The following PSMD6 variants were observed in gnomAD, a reference collection of about 807,000 sequenced individuals.
PSMD6 encodes the protein proteasome 26S subunit, non-ATPase 6.
Under a neutral mutation model 44.9 loss-of-function variants are expected in PSMD6, and 7 were observed. The observed-to-expected ratio is 0.16, with a 90% CI of 0.09 to 0.29. The LOEUF is 0.29. Among genes scored for constraint, PSMD6 ranks in the 10% least tolerant of loss-of-function variants. PSMD6 has a pLI of 1.00. For synonymous variants in PSMD6, 184 were observed against 172.7 expected, an observed-to-expected ratio of 1.07 and a Z score of -0.51; for missense variants, 420 against 482.6, an observed-to-expected ratio of 0.87 and a Z score of 1.21.
In PSMD6 at chr3:64,022,255, C is replaced by T. The variant is rs1435619522; in HGVS notation, c.351+63G>A. ...TAATTTTTTTAATGAGAAACGATTA[C>T]CTGGAATAGTCTCCAATTTTAGCCT... is the stretch of plus-strand genomic sequence containing the variant. On this transcript the variant is annotated intron_variant, in intron 2 of 7. Transcript: ENST00000295901. 1.5e-5 allele frequency: 23 copies of T among 1,548,934 alleles called. No individual in the cohort carries two copies. In the South Asian group the frequency reaches 2.0e-4, roughly 14 times the overall value.
chr3:64,012,691 A>G (rs2075978806), intron 6 of PSMD6: 4 of 152,224 alleles, frequency 2.6e-5, no homozygotes, highest in Admixed American at 2.0e-4. Flanking sequence ...ACAACATCCA[A>G]GCTTATTCCT....
intron 5 of PSMD6, 184 bp from the exon 6 acceptor site, chr3:64,013,791 T>A (rs1460354960): frequency 2.2e-6 from 1 of 459,294 alleles, no homozygotes; most frequent in Non-Finnish European, 3.7e-6. Context: ...GGGCCAGGTA[T>A]GCAAACATCG....
intron 6 of PSMD6, chr3:64,011,470 G>A (rs2075949142): frequency 6.6e-6 from 1 of 152,080 alleles, no homozygotes; most frequent in Non-Finnish European, 1.5e-5. Context: ...TTTTAAAAAA[G>A]GGGATTTCAT....
At chr3:64,018,740 A>AG in intron 4 of PSMD6, 33 bp from the exon 5 acceptor site, 1 of 1,521,920 alleles carries the variant, frequency 6.6e-7, no homozygotes, top group Non-Finnish European at 9.0e-7. Flanking sequence ...ATACAAAAAA[A>AG]ATGTACATTT....
At chr3:64,019,645 A>T in intron 2 of PSMD6, 1 of 476,004 alleles carries the variant, frequency 2.1e-6, no homozygotes, top group Non-Finnish European at 3.6e-6. Flanking sequence ...TATAAAGTTT[A>T]AAAAATACAT....
At chr3:64,022,225 G>C in intron 2 of PSMD6, 93 bp downstream of exon 2, 1 of 1,376,392 alleles carries the variant, frequency 7.3e-7, no homozygotes, top group Non-Finnish European at 1.0e-6. Flanking sequence ...TTTCTAAAAC[G>C]AAGTTAATTT....
upstream of PSMD6, chr3:64,023,901 A>C: frequency 1.5e-6 from 2 of 1,353,682 alleles, no homozygotes; most frequent in Non-Finnish European, 2.0e-6. Flanking sequence ...AAGACAAATG[A>C]GGCACAAAGA....
intron 6 of PSMD6, 120 bp from the exon 7 acceptor site, chr3:64,011,075 T>C (rs1279553489): frequency 1.3e-6 from 1 of 776,326 alleles, no homozygotes; most frequent in African/African-American, 1.7e-5. Flanking sequence ...TCAAGCTTGT[T>C]ATTGCACATG....
intron 2 of PSMD6, among the ~76,000 whole-genome samples, chr3:64,020,830 TCTGATTCAAGAGCTC>T (rs1285674380): frequency 6.6e-6 from 1 of 152,144 alleles, no homozygotes; most frequent in African/African-American, 2.4e-5. Flanking sequence ...ACCCAGACAA[TCTGATTCAAGAGCTC>T]ATGTTATTTT....
At chr3:64,023,088 G>C in intron 1 of PSMD6, 187 bp downstream of exon 1, 1 of 1,426,408 alleles carries the variant, frequency 7.0e-7, no homozygotes, top group Non-Finnish European at 9.1e-7. Context: ...ACCCCGCTGA[G>C]GCAAGTCGAG....
chr3:64,023,530 GGTCC>G, upstream of PSMD6: 1 of 1,412,480 alleles, frequency 7.1e-7, no homozygotes, highest in Non-Finnish European at 9.3e-7. Flanking sequence ...CCCGGCTTCC[GGTCC>G]CGTCTCCGCC....
upstream of PSMD6, chr3:64,023,725 A>G (rs942292449): frequency 1.3e-6 from 2 of 1,488,462 alleles, no homozygotes; most frequent in East Asian, 2.5e-5. Flanking sequence ...TAGCTATTTT[A>G]CTTTCCGTTT....
At chr3:64,022,192 C>G in intron 2 of PSMD6, 126 bp downstream of exon 2, 1 of 1,059,654 alleles carries the variant, frequency 9.4e-7, no homozygotes, top group Non-Finnish European at 1.4e-6. Context: ...CCAGTACAAG[C>G]AAGCATGATT....
At position 64,010,587 on chromosome 3, in the gene PSMD6, T is replaced by C. The variant is rs1056495671; in HGVS notation, c.*81A>G. The C allele has an allele frequency of 5.9e-6, 6 of 1,020,988 alleles. No homozygotes were observed. The highest frequency in any genetic ancestry group is 5.3e-5 in the Admixed American group (2 of 37,560). 63.2% of individuals were successfully genotyped at this position (1,020,988 alleles called of 1,614,324 possible). A position where few individuals can be genotyped will look rare whatever the true frequency, so the allele number is the denominator to read the frequency against. Reference sequence around the variant, plus strand: ...CAATGCAGTATTTATTTTATACAGCTGACCTGGGCACATTGTGAAGTAAGC... The same window carrying C: ...CAATGCAGTATTTATTTTATACAGCCGACCTGGGCACATTGTGAAGTAAGC... On this transcript the variant is annotated 3_prime_UTR_variant, in exon 8 of 8. Coordinates refer to ENST00000295901, the MANE Select transcript of PSMD6 (RefSeq NM_014814.3).
chr3:64,015,625 G>A (rs973371525), intron 5 of PSMD6: 1 of 152,086 alleles, frequency 6.6e-6, no homozygotes, highest in South Asian at 2.1e-4. Flanking sequence ...CACGTTACTT[G>A]TGAAGAGAAA....
At chr3:64,017,658 T>C (rs1291217839) in intron 5 of PSMD6, 2 of 152,212 alleles carry the variant, frequency 1.3e-5, no homozygotes, top group African/African-American at 2.4e-5. Context: ...CTACATTACC[T>C]GAGGTAAATA....
Position 64,019,344 on chromosome 3 carries a change from A to G in PSMD6, c.449T>C (p.Phe150Ser). 6.3e-7 allele frequency: 1 copy of G among 1,597,968 alleles called. No homozygotes were observed. The highest frequency in any genetic ancestry group is 8.6e-7 in the Non-Finnish European group (1 of 1,165,230). The change falls in exon 3 of 8, where the codon TTT becomes TCT. Residue 150 changes from phenylalanine (F) to serine (S), a missense_variant. Around this residue, in one of 4 missense-constraint regions of PSMD6, gnomAD observed 216 missense variants for 227.0 expected, o/e 0.95. Coordinates refer to ENST00000295901, the MANE Select transcript of PSMD6 (RefSeq NM_014814.3). ...TGTGATGAGATCATTATCCATATAA[A>G]ATAAGCCAATCCTAAGGAGATAGAA... is the stretch of plus-strand genomic sequence containing the variant. ...IVFYLLRIGL[F>S]YMDNDLITRN... is the part of the protein sequence containing the mutation.
At chr3:64,013,902 C>T (rs958385677) in intron 5 of PSMD6, 9 of 252,012 alleles carry the variant, frequency 3.6e-5, no homozygotes, top group Non-Finnish European at 3.7e-5. Context: ...ATTTTAACCA[C>T]GGAGAACTTC....
At chr3:64,012,201 C>A (rs960403478) in intron 6 of PSMD6, 1 of 151,884 alleles carries the variant, frequency 6.6e-6, no homozygotes, top group Non-Finnish European at 1.5e-5. Flanking sequence ...TATGGATGTT[C>A]GAAATTTAAA....
Sources: allele counts gnomAD v4.1 joint callset (sites outside exome capture counted in the v4.1 genomes callset), GRCh38; gene constraint gnomAD v4.1.1; regional missense constraint gnomAD v4.1.1; transcripts MANE v1.5; gene names NCBI Gene and HGNC (gene_info 2026-07-23, HGNC 2026-07-21).